Variants in OSBPL9 observed in about 807,000 individuals in gnomAD.
The protein encoded by OSBPL9 is oxysterol-binding protein-related protein 9.
In OSBPL9, 40 loss-of-function variants were observed where a neutral mutation model predicts 106.6. That is an observed-to-expected ratio of 0.38 (90% CI 0.29 to 0.49). The LOEUF is 0.49. OSBPL9 is among the 20% of genes least tolerant of loss of function. OSBPL9 has a pLI of 0.97. For synonymous variants in OSBPL9, 269 were observed against 295.4 expected (o/e 0.91, Z 0.92); for missense variants, 609 against 887.2 (o/e 0.69, Z 3.98).
chr1:51,734,655 A>T (rs1265547410), intron 4 of OSBPL9, among the ~76,000 whole-genome samples: 9 of 152,164 alleles, frequency 5.9e-5, no homozygotes, highest in African/African-American at 7.2e-5. Context: ...CTACCTTTTT[A>T]AAAATTTTTA....
intron 4 of OSBPL9, among the ~76,000 whole-genome samples, chr1:51,723,373 A>G (rs975581115): frequency 6.6e-6 from 1 of 152,154 alleles, no homozygotes; most frequent in African/African-American, 2.4e-5. Context: ...CCTTTTCCAG[A>G]ATGTCATATC....
At chr1:51,613,589 A>G (rs1013069354), upstream of OSBPL9, among the ~76,000 whole-genome samples, 2 of 152,220 alleles carry the variant, frequency 1.3e-5, no homozygotes, top group Admixed American at 6.5e-5. Context: ...TAGGGTAGAT[A>G]ATAAATGGTG....
At chr1:51,560,078 T>C in the OSBPL9 span, among the ~76,000 whole-genome samples, 1 of 152,150 alleles carries the variant, frequency 6.6e-6, no homozygotes, top group South Asian at 2.1e-4. Context: ...TATAAATAAA[T>C]AAAGTAGAAA....
chr1:51,635,994 T>C (rs772488077), intron 1 of OSBPL9, among the ~76,000 whole-genome samples: 15 of 152,092 alleles, frequency 9.9e-5, no homozygotes, highest in Non-Finnish European at 5.9e-5. Flanking sequence ...ACTATAGATA[T>C]ATTAATATGC....
At chr1:51,676,271 A>T (rs897697563) in intron 3 of OSBPL9, among the ~76,000 whole-genome samples, 11 of 152,062 alleles carry the variant, frequency 7.2e-5, no homozygotes, top group Non-Finnish European at 1.0e-4. Context: ...CTCTACTACA[A>T]ATACAAAAAA....
chr1:51,600,467 G>A (rs1378950769), intron 2 of OSBPL9, among the ~76,000 whole-genome samples: 4 of 152,092 alleles, frequency 2.6e-5, no homozygotes, highest in Non-Finnish European at 4.4e-5. Context: ...GACTGCATCA[G>A]CATAAAGACA....
Position 51,787,342 on chromosome 1 carries a change from CTTTG to C in OSBPL9, c.2001-7_2001-4del, listed in dbSNP as rs770714714. ...TCAACATTGGCAGCTCCTCTTACCT[CTTTG>C]TTTTAGCCTTTGGAAGGATGTCACT... is the stretch of plus-strand genomic sequence containing the variant. On this transcript the variant is annotated splice_polypyrimidine_tract_variant and splice_region_variant and intron_variant, in intron 22 of 23. Coordinates refer to ENST00000428468, the MANE Select transcript of OSBPL9 (RefSeq NM_024586.6). 6 of 1,613,286 alleles carry C rather than the reference CTTTG, an allele frequency of 3.7e-6. No individual in the cohort carries two copies. The highest frequency in any genetic ancestry group is 4.2e-6 in the Non-Finnish European group (5 of 1,179,346).
chr1:51,647,944 G>A (rs1646272293), intron 1 of OSBPL9, among the ~76,000 whole-genome samples: 1 of 152,076 alleles, frequency 6.6e-6, no homozygotes, highest in Admixed American at 6.6e-5. Context: ...GAACATATCA[G>A]TTCGATATTC....
At chr1:51,586,281 A>G (rs1645247144) in intron 1 of OSBPL9, among the ~76,000 whole-genome samples, 1 of 152,128 alleles carries the variant, frequency 6.6e-6, no homozygotes, top group Non-Finnish European at 1.5e-5. Context: ...ATTATTTACC[A>G]TTTTGGTACA....
intron 2 of OSBPL9, among the ~76,000 whole-genome samples, chr1:51,662,659 G>T (rs1459541874): frequency 6.6e-6 from 1 of 151,316 alleles, no homozygotes; most frequent in Non-Finnish European, 1.5e-5. Context: ...AAATCCAAAA[G>T]AATCTATAGA....
At chr1:51,585,509 G>A (rs1203271077) in intron 1 of OSBPL9, among the ~76,000 whole-genome samples, 1 of 152,168 alleles carries the variant, frequency 6.6e-6, no homozygotes, top group Admixed American at 6.5e-5. Flanking sequence ...CAGGCGCAGT[G>A]GCTCATGCAT....
At chr1:51,766,087 A>T in intron 12 of OSBPL9, 106 bp downstream of exon 12, 1 of 1,152,744 alleles carries the variant, frequency 8.7e-7, no homozygotes, top group South Asian at 2.2e-5. Flanking sequence ...ATCAGTTATT[A>T]TTTGGGAAAA....
intron 2 of OSBPL9, among the ~76,000 whole-genome samples, chr1:51,599,400 T>G (rs1645317060): frequency 6.6e-6 from 1 of 152,238 alleles, no homozygotes; most frequent in South Asian, 2.1e-4. Context: ...GTTTACCATG[T>G]GCTCCTCAAG....
intron 3 of OSBPL9, among the ~76,000 whole-genome samples, chr1:51,684,958 C>CTCCA (rs1653445591): frequency 6.7e-6 from 1 of 148,498 alleles, no homozygotes; most frequent in South Asian, 2.1e-4. Flanking sequence ...GTCACCCAGG[C>CTCCA]TGGAATGCAG....
At chr1:51,586,539 G>A (rs1373824732) in intron 1 of OSBPL9, among the ~76,000 whole-genome samples, 1 of 152,090 alleles carries the variant, frequency 6.6e-6, no homozygotes, top group Non-Finnish European at 1.5e-5. Context: ...ATAAAGTATT[G>A]CTCACATTTC....
intron 1 of OSBPL9, among the ~76,000 whole-genome samples, chr1:51,589,368 C>T (rs777274554): frequency 2.0e-5 from 3 of 152,116 alleles, no homozygotes; most frequent in Admixed American, 6.5e-5. Flanking sequence ...GGATTACAGG[C>T]GTGAGCCACC....
At chr1:51,742,945 C>T (rs1254708856) in intron 4 of OSBPL9, among the ~76,000 whole-genome samples, 1 of 152,046 alleles carries the variant, frequency 6.6e-6, no homozygotes, top group African/African-American at 2.4e-5. Flanking sequence ...ATGAAAAGAA[C>T]TTCTGTGAAT....
chr1:51,605,402 G>A (rs776878342), intron 2 of OSBPL9, among the ~76,000 whole-genome samples: 18 of 151,718 alleles, frequency 1.2e-4, no homozygotes, highest in Non-Finnish European at 2.2e-4. Context: ...ACCAGCCTGG[G>A]CAACATAGTG....
Position 51,788,878 on chromosome 1 carries a change from A to ACAT in OSBPL9, c.*1090_*1092dup, listed in dbSNP as rs1244610058. On this transcript the variant is annotated 3_prime_UTR_variant, in exon 24 of 24. Transcript: ENST00000428468. ...TCTATCATCTTTTTTATTTAAAAAT[A>ACAT]CATTAAAAAAACAGGTATTAGTACC... Among the ~76,000 whole-genome samples the ACAT allele has an allele frequency of 1.3e-5, 2 of 151,596 alleles. No individual in the cohort carries two copies. Among genetic ancestry groups the ACAT allele is most frequent in the African/African-American group, 4.9e-5 (2 of 40,948 alleles).
Sources: gnomAD v4.1 joint callset for allele counts (sites outside exome capture counted in the v4.1 genomes callset) on GRCh38, gnomAD v4.1.1 for gene constraint, MANE v1.5 for transcripts, NCBI Gene and HGNC (gene_info 2026-07-23, HGNC 2026-07-21) for gene names.